Variants in AGFG1 observed in about 807,000 individuals in gnomAD.
The protein encoded by AGFG1 is ArfGAP with FG repeats 1.
A neutral mutation model predicts 60.6 loss-of-function variants in AGFG1; 10 were observed. The observed-to-expected ratio is 0.16, with a 90% CI of 0.10 to 0.28. The LOEUF (loss-of-function observed/expected upper bound fraction) is 0.28, where lower values mean the gene tolerates loss of function less well. AGFG1 is among the 10% of genes least tolerant of loss of function. The pLI is 1.00. For synonymous variants in AGFG1, 247 were observed against 242.9 expected, an observed-to-expected ratio of 1.02 and a Z score of -0.16; for missense variants, 537 against 676.5, an observed-to-expected ratio of 0.79 and a Z score of 2.29.
chr2:227,550,073 A>G (rs1692774788), intron 10 of AGFG1: 1 of 450,792 alleles, frequency 2.2e-6, no homozygotes, highest in Non-Finnish European at 4.6e-6. Flanking sequence ...TTCTGGAGCA[A>G]TGCATTCTCA....
chr2:227,535,645 C>A (rs533390987), intron 8 of AGFG1, among the ~76,000 whole-genome samples: 9 of 152,234 alleles, frequency 5.9e-5, no homozygotes, highest in African/African-American at 2.2e-4. Context: ...AAGAGATTTA[C>A]CTATAACAAT....
intron 2 of AGFG1, among the ~76,000 whole-genome samples, chr2:227,497,273 G>A (rs1217448232): frequency 1.3e-5 from 2 of 151,188 alleles, no homozygotes; most frequent in African/African-American, 2.4e-5. Context: ...GATTGAAGAT[G>A]TATAGAACTC....
At chr2:227,527,960 T>C (rs1692045366) in intron 5 of AGFG1, among the ~76,000 whole-genome samples, 1 of 152,206 alleles carries the variant, frequency 6.6e-6, no homozygotes, top group Admixed American at 6.5e-5. Flanking sequence ...TACTTTGCCT[T>C]ATTTTACTTA....
chr2:227,484,048 C>T (rs904009632), intron 1 of AGFG1, among the ~76,000 whole-genome samples: 7 of 152,066 alleles, frequency 4.6e-5, no homozygotes, highest in African/African-American at 1.7e-4. Flanking sequence ...AATGCTATCC[C>T]TCCCCCCTAC....
At chr2:227,526,458 G>A (rs1691996221) in intron 5 of AGFG1, among the ~76,000 whole-genome samples, 2 of 146,886 alleles carry the variant, frequency 1.4e-5, no homozygotes, top group Non-Finnish European at 3.0e-5. Flanking sequence ...GGCTGGTCTC[G>A]AACTCCTGAC....
At chr2:227,540,181 A>C (rs1692445112) in intron 10 of AGFG1, among the ~76,000 whole-genome samples, 1 of 143,340 alleles carries the variant, frequency 7.0e-6, no homozygotes, top group Admixed American at 7.5e-5. Flanking sequence ...TGGATTTATA[A>C]AACTTTGGGG....
At chr2:227,493,035 TA>T (rs1447673914) in intron 2 of AGFG1, among the ~76,000 whole-genome samples, 2 of 151,978 alleles carry the variant, frequency 1.3e-5, no homozygotes, top group Non-Finnish European at 2.9e-5. Flanking sequence ...TGACAGTAGG[TA>T]AAAACAGAGT....
chr2:227,496,758 T>C (rs1198485572), intron 2 of AGFG1, among the ~76,000 whole-genome samples: 7 of 152,268 alleles, frequency 4.6e-5, no homozygotes, highest in African/African-American at 1.7e-4. Context: ...TATTTATTTA[T>C]TGAATCTGAA....
intron 1 of AGFG1, among the ~76,000 whole-genome samples, chr2:227,473,146 C>G (rs1376274773): frequency 2.0e-5 from 3 of 152,084 alleles, no homozygotes; most frequent in Non-Finnish European, 4.4e-5. Context: ...TTTTCTGGGT[C>G]GAGAGTACCT....
chr2:227,480,275 TA>T (rs1464601755), intron 1 of AGFG1, among the ~76,000 whole-genome samples: 1 of 152,192 alleles, frequency 6.6e-6, no homozygotes, highest in African/African-American at 2.4e-5. Context: ...TTTACGACTC[TA>T]GGGGGAGATG....
At chr2:227,520,800 G>A (rs1390685711) in intron 3 of AGFG1, among the ~76,000 whole-genome samples, 1 of 152,134 alleles carries the variant, frequency 6.6e-6, no homozygotes, top group Non-Finnish European at 1.5e-5. Flanking sequence ...GTATTGCATA[G>A]TGGATACTTT....
chr2:227,477,905 C>T (rs1484834996), intron 1 of AGFG1, among the ~76,000 whole-genome samples: 1 of 152,152 alleles, frequency 6.6e-6, no homozygotes, highest in Non-Finnish European at 1.5e-5. Flanking sequence ...CCACCATGCC[C>T]AGCCCAGAAT....
At position 227,524,715 on chromosome 2, in the gene AGFG1, T is replaced by G. The variant is rs765739968; in HGVS notation, c.541-47T>G. 2.5e-6 allele frequency: 4 copies of G among 1,598,568 alleles called. No homozygotes were observed. In the African/African-American group the frequency reaches 5.4e-5, roughly 21 times the overall value. ...TTGCAGATAGTTTTGTATAAAGATTTTGCAGATCCGACTGGAATATCTTTA... is the reference window on the plus strand; with the variant it reads ...TTGCAGATAGTTTTGTATAAAGATTGTGCAGATCCGACTGGAATATCTTTA... On this transcript the variant is annotated intron_variant, in intron 4 of 12. Coordinates refer to ENST00000310078, the MANE Select transcript of AGFG1 (RefSeq NM_004504.5).
At chr2:227,515,047 C>G (rs1337750170) in intron 2 of AGFG1, among the ~76,000 whole-genome samples, 5 of 152,008 alleles carry the variant, frequency 3.3e-5, no homozygotes, top group Admixed American at 2.0e-4. Flanking sequence ...CTCAGCCTCC[C>G]GAGTAGCTGG....
At chr2:227,534,605 A>C (rs1005631090) in intron 7 of AGFG1, among the ~76,000 whole-genome samples, 1 of 152,062 alleles carries the variant, frequency 6.6e-6, no homozygotes. Context: ...AATCCAGACA[A>C]ATTTTTTTGG....
chr2:227,539,216 G>T (rs1431987195), intron 10 of AGFG1, among the ~76,000 whole-genome samples: 1 of 152,186 alleles, frequency 6.6e-6, no homozygotes, highest in Non-Finnish European at 1.5e-5. Context: ...GCCAAGGCGG[G>T]TGGATCACCT....
In AGFG1 at chr2:227,531,079, T is replaced by C; in HGVS notation, c.695-12T>C. The C allele has an allele frequency of 2.5e-6, 4 of 1,607,582 alleles. No individual in the cohort carries two copies. Among genetic ancestry groups the C allele is most frequent in the Non-Finnish European group, 3.4e-6 (4 of 1,176,092 alleles). ...ATATTCATTAACATATGTTGTTCCT[T>C]ACCATTTACAGCTCAGAATTCTGCA... On this transcript the variant is annotated splice_polypyrimidine_tract_variant and intron_variant, in intron 5 of 12. Transcript: ENST00000310078.
At chr2:227,495,359 C>T (rs930334388) in intron 2 of AGFG1, among the ~76,000 whole-genome samples, 2 of 151,744 alleles carry the variant, frequency 1.3e-5, no homozygotes, top group Non-Finnish European at 2.9e-5. Flanking sequence ...TCAACCTAGG[C>T]AACAAAGCGA....
chr2:227,532,152 T>A, intron 6 of AGFG1: 1 of 1,547,874 alleles, frequency 6.5e-7, no homozygotes, highest in Non-Finnish European at 8.7e-7. Context: ...TAGAATGCTT[T>A]CATCTAGCTG....
Sources: allele counts gnomAD v4.1 joint callset (sites outside exome capture counted in the v4.1 genomes callset), GRCh38; gene constraint gnomAD v4.1.1; transcripts MANE v1.5; gene names NCBI Gene and HGNC (gene_info 2026-07-23, HGNC 2026-07-21).